DNAJB6: variants seen among roughly 807,000 people sequenced by gnomAD.
The protein encoded by DNAJB6 is dnaJ homolog subfamily B member 6.
A neutral mutation model predicts 42.7 loss-of-function variants in DNAJB6; 16 were observed. The observed-to-expected ratio is 0.37, with a 90% CI of 0.25 to 0.57. DNAJB6 has a LOEUF of 0.57. Among genes scored for constraint, DNAJB6 ranks in the 20% least tolerant of loss-of-function variants. DNAJB6 has a pLI of 0.74. For synonymous variants in DNAJB6, 170 were observed against 163.5 expected, an observed-to-expected ratio of 1.04 and a Z score of -0.30; for missense variants, 347 against 416.8, an observed-to-expected ratio of 0.83 and a Z score of 1.46.
chr7:157,374,300 G>A (rs1800363278), intron 5 of DNAJB6, among the ~76,000 whole-genome samples: 1 of 152,046 alleles, frequency 6.6e-6, no homozygotes, highest in South Asian at 2.1e-4. Context: ...TCACTCTGTC[G>A]CCCAGCTGGA....
intron 8 of DNAJB6, among the ~76,000 whole-genome samples, chr7:157,409,371 G>C (rs1010095894): frequency 4.6e-5 from 7 of 152,220 alleles, no homozygotes; most frequent in African/African-American, 1.7e-4. Context: ...GCGGAGAGGG[G>C]ATGTCTTCCG....
chr7:157,370,206 A>G (rs1800125103), intron 5 of DNAJB6, among the ~76,000 whole-genome samples: 1 of 151,024 alleles, frequency 6.6e-6, no homozygotes, highest in African/African-American at 2.4e-5. Context: ...CATTATTATT[A>G]AAGAGGCCCT....
intron 8 of DNAJB6, among the ~76,000 whole-genome samples, chr7:157,404,748 C>T (rs368642680): frequency 3.3e-5 from 5 of 152,092 alleles, no homozygotes; most frequent in Non-Finnish European, 7.4e-5. Flanking sequence ...TCAAGTGATC[C>T]GCCTGCCTCA....
At chr7:157,338,267 A>C (rs956058681) in intron 1 of DNAJB6, among the ~76,000 whole-genome samples, 1 of 151,954 alleles carries the variant, frequency 6.6e-6, no homozygotes, top group African/African-American at 2.4e-5. Context: ...GAAAGGAATT[A>C]TATGCAGCCG....
Position 157,385,026 on chromosome 7 carries a change from A to G in DNAJB6, c.620+18A>G, listed in dbSNP as rs201910694. ...ACAAAGAGGTACTGTGGTATTCTGC[A>G]TTTTATATTTTTAGTAAGCAGGCGT... On this transcript the variant is annotated intron_variant, in intron 7 of 9. Coordinates refer to ENST00000262177, the MANE Select transcript of DNAJB6 (RefSeq NM_058246.4). The G allele has an allele frequency of 2.5e-4, 401 of 1,608,372 alleles. 3 individuals are homozygous for G. In the African/African-American group the frequency reaches 5.1e-3, roughly 20 times the overall value.
In DNAJB6 at chr7:157,372,731, G is replaced by A. The variant is rs554762196; in HGVS notation, c.346+5248G>A. Among the ~76,000 whole-genome samples the A allele has an allele frequency of 3.9e-5, 6 of 152,180 alleles. No individual in the cohort carries two copies. In the South Asian group the frequency reaches 8.3e-4, roughly 21 times the overall value. On this transcript the variant is annotated intron_variant, in intron 5 of 9. Transcript: ENST00000262177. Reference sequence around the variant, plus strand: ...TTGAGTTTGATCCGTACCACAAACCGGGGGCTTAAACTACCAAAATGTACC... The same window carrying A: ...TTGAGTTTGATCCGTACCACAAACCAGGGGCTTAAACTACCAAAATGTACC...
At chr7:157,373,944 G>T (rs1223032234) in intron 5 of DNAJB6, among the ~76,000 whole-genome samples, 1 of 152,178 alleles carries the variant, frequency 6.6e-6, no homozygotes, top group African/African-American at 2.4e-5. Context: ...CTACTGGGGA[G>T]GCTGAGGTAG....
At chr7:157,349,934 C>T (rs189632044) in intron 1 of DNAJB6, among the ~76,000 whole-genome samples, 5 of 152,222 alleles carry the variant, frequency 3.3e-5, no homozygotes, top group East Asian at 3.9e-4. Context: ...TGAGCCACCG[C>T]GCCTGGCCAA....
intron 7 of DNAJB6, among the ~76,000 whole-genome samples, chr7:157,385,331 G>T (rs1375863182): frequency 6.6e-6 from 1 of 152,136 alleles, no homozygotes; most frequent in Non-Finnish European, 1.5e-5. Context: ...CCGCCTGTAC[G>T]GTATTTGAGA....
chr7:157,346,776 C>T (rs921732981), intron 1 of DNAJB6, among the ~76,000 whole-genome samples: 11 of 152,232 alleles, frequency 7.2e-5, no homozygotes, highest in African/African-American at 2.4e-4. Flanking sequence ...GGGATTGTTG[C>T]AGCATCAGCA....
chr7:157,341,516 T>C (rs923345465), intron 1 of DNAJB6, among the ~76,000 whole-genome samples: 1 of 152,232 alleles, frequency 6.6e-6, no homozygotes, highest in Non-Finnish European at 1.5e-5. Context: ...CCCTTTGATA[T>C]TTTTCTACTT....
At chr7:157,375,583 G>A (rs182157086) in intron 5 of DNAJB6, among the ~76,000 whole-genome samples, 1 of 152,344 alleles carries the variant, frequency 6.6e-6, no homozygotes, top group African/African-American at 2.4e-5. Flanking sequence ...CACTATTCTA[G>A]GTGCTGGTTT....
At chr7:157,415,066 G>A (rs1395824342) in intron 9 of DNAJB6, 1 of 152,304 alleles carries the variant, frequency 6.6e-6, no homozygotes, top group Non-Finnish European at 1.5e-5. Context: ...ATGTGAAGTT[G>A]TGTGGGTCTT....
At chr7:157,351,394 C>A (rs995970980) in intron 1 of DNAJB6, among the ~76,000 whole-genome samples, 2 of 151,694 alleles carry the variant, frequency 1.3e-5, no homozygotes, top group Admixed American at 1.3e-4. Context: ...TTTGGGAGGC[C>A]GAGGAGGGCG....
intron 2 of DNAJB6, among the ~76,000 whole-genome samples, chr7:157,361,243 C>CT (rs961441216): frequency 1.3e-5 from 2 of 151,662 alleles, no homozygotes; most frequent in Non-Finnish European, 2.9e-5. Flanking sequence ...ACTGCAACCT[C>CT]TGCCTCCCAG....
chr7:157,347,090 C>T (rs1054522403), intron 1 of DNAJB6, among the ~76,000 whole-genome samples: 19 of 152,170 alleles, frequency 1.2e-4, no homozygotes, highest in Non-Finnish European at 2.5e-4. Context: ...CTCCTGACCT[C>T]GTGATTCGCC....
chr7:157,367,463 C>T lies in DNAJB6; in HGVS notation c.326C>T (p.Pro109Leu), dbSNP rs1799900327. The change falls in exon 5 of 10, where the codon CCA becomes CTA. Residue 109 changes from proline to leucine, a missense_variant. By Grantham distance (98) the Pro-to-Leu change is moderately conservative. Coordinates refer to ENST00000262177, the MANE Select transcript of DNAJB6 (RefSeq NM_058246.4). ...VFREFFGGRD[P>L]FSFDFFEDPF... Reference sequence around the variant, plus strand: ...AGGGAATTTTTTGGTGGAAGGGACCCATTTTCATTTGACTTCTTTGGTAAG... The same window carrying T: ...AGGGAATTTTTTGGTGGAAGGGACCTATTTTCATTTGACTTCTTTGGTAAG... 1 of 1,607,768 alleles carries T rather than the reference C, an allele frequency of 6.2e-7. No individual in the cohort carries two copies. The highest frequency in any genetic ancestry group is 1.3e-5 in the African/African-American group (1 of 74,784).
At chr7:157,365,523 A>G (rs1405842225) in intron 3 of DNAJB6, among the ~76,000 whole-genome samples, 3 of 152,144 alleles carry the variant, frequency 2.0e-5, no homozygotes, top group Non-Finnish European at 4.4e-5. Flanking sequence ...TGCTGCAGAT[A>G]TGGTCCTCTA....
rs978425267 is a variant in DNAJB6, at chr7:157,409,918, C to T, written c.815C>T (p.Ala272Val). 1.2e-4 allele frequency: 177 copies of T among 1,535,568 alleles called. No individual in the cohort carries two copies. The highest frequency in any genetic ancestry group is 1.4e-4 in the Non-Finnish European group (163 of 1,145,944). Residue 272 changes from alanine to valine, a missense_variant, in exon 9 of 10, where the codon GCG becomes GTG. Ala to Val is a moderately conservative substitution (Grantham distance 64). Around this residue, in one of 3 missense-constraint regions of DNAJB6, gnomAD observed 264 missense variants for 288.0 expected, o/e 0.92. Transcript: ENST00000262177. The stretch of plus-strand genomic sequence containing the variant: ...CGGCCTGCCTCGCTGCTGAGACACG[C>T]GCCTCACTGTCTCTCTGAGGAGGAG... ...PPRPASLLRHAPHCLSEEEGE... is the reference protein window; with the variant it reads ...PPRPASLLRHVPHCLSEEEGE...
Sources: gnomAD v4.1 joint callset for allele counts (sites outside exome capture counted in the v4.1 genomes callset) on GRCh38, gnomAD v4.1.1 for gene constraint, gnomAD v4.1.1 regional missense constraint, MANE v1.5 for transcripts, NCBI Gene and HGNC (gene_info 2026-07-23, HGNC 2026-07-21) for gene names.